The following GPR158 variants were observed in gnomAD, a reference collection of about 807,000 sequenced individuals.
GPR158 encodes the protein G protein-coupled receptor 158.
A neutral mutation model predicts 78.2 loss-of-function variants in GPR158; 30 were observed. That is an observed-to-expected ratio of 0.38 (90% CI 0.29 to 0.52). The LOEUF (loss-of-function observed/expected upper bound fraction) is 0.52. GPR158 is among the 20% of genes least tolerant of loss of function. The pLI is 0.83. For missense variants in GPR158, 1,463 were observed against 1,523.5 expected (o/e 0.96, Z 0.66); for synonymous variants, 581 against 591.1 (o/e 0.98, Z 0.25).
chr10:25,461,961 C>T (rs544919257), intron 4 of GPR158, among the ~76,000 whole-genome samples: 5 of 152,014 alleles, frequency 3.3e-5, no homozygotes, highest in East Asian at 1.9e-4. Context: ...AGGATGGTCT[C>T]GATCTCCTGA....
intron 4 of GPR158, among the ~76,000 whole-genome samples, chr10:25,441,204 T>G (rs937314219): frequency 1.3e-5 from 2 of 152,180 alleles, no homozygotes; most frequent in Non-Finnish European, 2.9e-5. Context: ...CTATTAACTC[T>G]TCTTATTAAC....
intron 5 of GPR158, among the ~76,000 whole-genome samples, chr10:25,510,556 T>A (rs916379405): frequency 1.3e-5 from 2 of 152,164 alleles, no homozygotes; most frequent in African/African-American, 4.8e-5. Context: ...ATTTATTTAT[T>A]ATGTTTTATT....
chr10:25,536,485 C>T (rs867250149), intron 5 of GPR158, among the ~76,000 whole-genome samples: 34 of 152,288 alleles, frequency 2.2e-4, no homozygotes, highest in Middle Eastern at 6.8e-3. Context: ...TCTCCAGTTT[C>T]TAATGGCCTT....
chr10:25,473,470 A>C (rs576378469), intron 5 of GPR158, among the ~76,000 whole-genome samples: 1 of 152,260 alleles, frequency 6.6e-6, no homozygotes, highest in South Asian at 2.1e-4. Flanking sequence ...CTGGCCTCAT[A>C]AAATGAGTTA....
At chr10:25,421,407 A>C (rs1277112476) in intron 4 of GPR158, among the ~76,000 whole-genome samples, 1 of 152,196 alleles carries the variant, frequency 6.6e-6, no homozygotes, top group East Asian at 1.9e-4. Context: ...GAAAATACAT[A>C]ATACATAAAA....
intron 2 of GPR158, among the ~76,000 whole-genome samples, chr10:25,233,679 T>C (rs1853483895): frequency 6.6e-6 from 1 of 152,262 alleles, no homozygotes; most frequent in South Asian, 2.1e-4. Flanking sequence ...CTGGGGGTCC[T>C]CAAGACCCTT....
At chr10:25,241,372 C>CTCTTTTCTCTCTTCTCTTCTCT (rs1554787300) in intron 2 of GPR158, among the ~76,000 whole-genome samples, 3 of 102,956 alleles carry the variant, frequency 2.9e-5, no homozygotes, top group African/African-American at 1.7e-4. Flanking sequence ...CTTTTCTTTT[C>CTCTTTTCTCTCTTCTCTTCTCT]TCTCTTCTCT....
At chr10:25,362,798 C>G (rs1433580319) in intron 2 of GPR158, among the ~76,000 whole-genome samples, 1 of 151,792 alleles carries the variant, frequency 6.6e-6, no homozygotes, top group Non-Finnish European at 1.5e-5. Context: ...TATTTTGTAA[C>G]TTTACTGAAT....
intron 2 of GPR158, among the ~76,000 whole-genome samples, chr10:25,370,831 G>T (rs1357025377): frequency 1.3e-5 from 2 of 151,590 alleles, no homozygotes; most frequent in Non-Finnish European, 2.9e-5. Flanking sequence ...CTCAGGACTT[G>T]CTTTATGAAT....
rs570874445 is a variant in GPR158 at position 25,297,382 on chromosome 10, A to G, written c.1008+76225A>G. On this transcript the variant is annotated intron_variant, in intron 2 of 10. Coordinates refer to ENST00000376351, the MANE Select transcript of GPR158 (RefSeq NM_020752.3). Reference sequence around the variant, plus strand: ...AAATGAGTATTTTATGAATGAATCAATACATAAGCAAATGAGTGAATCAGG... The same window carrying G: ...AAATGAGTATTTTATGAATGAATCAGTACATAAGCAAATGAGTGAATCAGG... Among the ~76,000 whole-genome samples the G allele has an allele frequency of 3.9e-5, 6 of 152,364 alleles. No homozygotes were observed. In the East Asian group the frequency reaches 7.7e-4, roughly 20 times the overall value.
At chr10:25,370,155 GTC>G in intron 2 of GPR158, among the ~76,000 whole-genome samples, 1 of 140,948 alleles carries the variant, frequency 7.1e-6, no homozygotes, top group African/African-American at 2.6e-5. Context: ...GGTTTTTTGT[GTC>G]TCTATTTCCT....
intron 2 of GPR158, among the ~76,000 whole-genome samples, chr10:25,254,178 A>G (rs1167446242): frequency 1.3e-5 from 2 of 152,182 alleles, no homozygotes; most frequent in Non-Finnish European, 2.9e-5. Flanking sequence ...TTTATAAAAT[A>G]CTGTCCAAGA....
rs765239225 is a variant in GPR158, at chr10:25,412,411, G to A, written c.1273G>A (p.Ala425Thr). 5 of 1,614,096 alleles carry A rather than the reference G, an allele frequency of 3.1e-6. No individual in the cohort carries two copies. Among genetic ancestry groups the A allele is most frequent in the African/African-American group, 1.3e-5 (1 of 75,046 alleles). ...YLRLAIISFQALCMLLDFVSM... is the reference protein window; with the variant it reads ...YLRLAIISFQTLCMLLDFVSM... ...ACGACTTGCCATCATCTCCTTCCAA[G>A]CCCTGTGTATGCTGCTCGACTTCGT... Residue 425 changes from alanine to threonine, a missense_variant, in exon 4 of 11, where the codon GCC becomes ACC. Transcript: ENST00000376351.
intron 2 of GPR158, among the ~76,000 whole-genome samples, chr10:25,340,756 G>A (rs66726041): frequency 1.3e-5 from 2 of 151,988 alleles, no homozygotes; most frequent in East Asian, 1.9e-4. Flanking sequence ...TACAATCTAT[G>A]TGTTACCGAG....
chr10:25,438,808 G>A (rs1835031702), intron 4 of GPR158, among the ~76,000 whole-genome samples: 1 of 152,122 alleles, frequency 6.6e-6, no homozygotes, highest in African/African-American at 2.4e-5. Context: ...CTGAAGTCAG[G>A]GGTTTATTTC....
chr10:25,323,839 A>G (rs1168368074), intron 2 of GPR158, among the ~76,000 whole-genome samples: 1 of 152,154 alleles, frequency 6.6e-6, no homozygotes, highest in African/African-American at 2.4e-5. Context: ...GATGTTTTCG[A>G]TAACTTGCTG....
At chr10:25,420,206 G>C (rs1834730183) in intron 4 of GPR158, among the ~76,000 whole-genome samples, 1 of 152,160 alleles carries the variant, frequency 6.6e-6, no homozygotes, top group Non-Finnish European at 1.5e-5. Flanking sequence ...CTATAATGCA[G>C]TGGTATGATC....
At chr10:25,346,407 T>C (rs1476006997) in intron 2 of GPR158, among the ~76,000 whole-genome samples, 1 of 151,908 alleles carries the variant, frequency 6.6e-6, no homozygotes, top group Non-Finnish European at 1.5e-5. Context: ...AAAGTACAGG[T>C]GTCCATTATA....
rs561496455 is a variant in GPR158 at position 25,560,629 on chromosome 10, T to C, written c.1514+9544T>C. 1.4e-4 allele frequency among the ~76,000 whole-genome samples: 22 copies of C among 152,356 alleles called. No homozygotes were observed. The South Asian group carries it at 4.6e-3, about 32-fold the overall frequency. ...CACCTAAAGTACATAAAGATATTAATGTGCAACTACGCTTTGAGAATTAAA... is the reference window on the plus strand; with the variant it reads ...CACCTAAAGTACATAAAGATATTAACGTGCAACTACGCTTTGAGAATTAAA... On this transcript the variant is annotated intron_variant, in intron 6 of 10. Coordinates refer to ENST00000376351, the MANE Select transcript of GPR158 (RefSeq NM_020752.3).
Sources: allele counts gnomAD v4.1 joint callset (sites outside exome capture counted in the v4.1 genomes callset), GRCh38; gene constraint gnomAD v4.1.1; transcripts MANE v1.5; gene names NCBI Gene and HGNC (gene_info 2026-07-23, HGNC 2026-07-21).